ZBTB45: variants seen among roughly 807,000 people sequenced by gnomAD.
ZBTB45 encodes the protein zinc finger and BTB domain-containing protein 45.
Under a neutral mutation model 28.4 loss-of-function variants are expected in ZBTB45, and 22 were observed. The observed-to-expected ratio is 0.77, with a 90% CI of 0.55 to 1.10. The LOEUF (loss-of-function observed/expected upper bound fraction) is 1.10, where lower values mean the gene tolerates loss of function less well. Ranked by LOEUF, ZBTB45 falls within the 50% of genes least tolerant of loss-of-function variation. The pLI is 0.00. For synonymous variants in ZBTB45, 361 were observed against 332.3 expected, an observed-to-expected ratio of 1.09 and a Z score of -0.94; for missense variants, 656 against 750.2, an observed-to-expected ratio of 0.87 and a Z score of 1.47.
At chr19:58,536,238 G>A (rs2053659367) in intron 1 of ZBTB45, among the ~76,000 whole-genome samples, 1 of 152,052 alleles carries the variant, frequency 6.6e-6, no homozygotes, top group Non-Finnish European at 1.5e-5. Flanking sequence ...GGCCGAGATG[G>A]GTGGATCATG....
Position 58,516,888 on chromosome 19 carries a change from G to A in ZBTB45, c.786C>T (p.Leu262=), listed in dbSNP as rs566192695. ...CTCTCCCGGCACCACTGTAGTCAGCGAGGCCAGTGGGTGCAGGGGGCTCCT... is the reference window on the plus strand; with the variant it reads ...CTCTCCCGGCACCACTGTAGTCAGCAAGGCCAGTGGGTGCAGGGGGCTCCT... ...ACEEPPAPTG[L]ADYSGAGRDF... is the part of the protein sequence containing the mutation. The change falls in exon 2 of 3, where the codon CTC becomes CTT. Residue 262 remains leucine (L), a synonymous_variant. Coordinates refer to ENST00000594051, the MANE Select transcript of ZBTB45 (RefSeq NM_001316979.2). This position sits in a 1 kb window ranked among gnomAD's most constrained non-coding sequence, Gnocchi z 6.2. The A allele has an allele frequency of 1.8e-5, 29 of 1,613,380 alleles. No individual in the cohort carries two copies. The South Asian group carries it at 2.3e-4, about 13-fold the overall frequency.
chr19:58,535,288 G>A (rs1271510901), intron 1 of ZBTB45, among the ~76,000 whole-genome samples: 1 of 152,034 alleles, frequency 6.6e-6, no homozygotes, highest in African/African-American at 2.4e-5. Flanking sequence ...TTACAGGCAT[G>A]AGCCACTGCA....
At position 58,513,792 on chromosome 19, in the gene ZBTB45, T is replaced by C; in HGVS notation, c.*262A>G. On this transcript the variant is annotated 3_prime_UTR_variant, in exon 3 of 3. Transcript: ENST00000594051. ...GGTCCAAGCGCCTGAGCGCCCGGTT[T>C]ACGCAGGAAATAGTCCAGTTCTCAG... is the stretch of plus-strand genomic sequence containing the variant. The C allele has an allele frequency of 2.5e-6, 1 of 396,842 alleles. No homozygotes were observed. Among genetic ancestry groups the C allele is most frequent in the Non-Finnish European group, 4.4e-6 (1 of 229,870 alleles). The allele number at this position is 396,842 out of a possible 1,614,324, so 24.6% of individuals were successfully genotyped here.
Position 58,516,414 on chromosome 19 carries a change from C to T in ZBTB45, c.1260G>A (p.Lys420=), listed in dbSNP as rs185682627. Reference sequence around the variant, plus strand: ...GCTCACCCGAGTGGATGAACATGTGCTTGGTGTAGTTTTTCCGGGAGCTGA... The same window carrying T: ...GCTCACCCGAGTGGATGAACATGTGTTTGGTGTAGTTTTTCCGGGAGCTGA... ...KTFSSRKNYT[K]HMFIHSGEKP... The change falls in exon 2 of 3, where the codon AAG becomes AAA. Residue 420 remains lysine, a synonymous_variant. Transcript: ENST00000594051. The surrounding 1 kb of genome is among the most constrained non-coding windows in gnomAD (Gnocchi z 6.2). 334 of 1,614,016 alleles carry T rather than the reference C, an allele frequency of 2.1e-4. No homozygotes were observed. The highest frequency in any genetic ancestry group is 5.0e-4 in the Middle Eastern group (3 of 6,054).
Position 58,517,387 on chromosome 19 carries a change from TGC to T in ZBTB45, c.285_286del (p.Gln96GlyfsTer2). ...CGTGAGCACCTGCAGGGCTTCACCCTGCGCCACAACGAGCGAACCGCTGTACA... is the reference window on the plus strand; with the variant it reads ...CGTGAGCACCTGCAGGGCTTCACCCTGCCACAACGAGCGAACCGCTGTACA... On this transcript the variant is annotated frameshift_variant, in exon 2 of 3. Transcript: ENST00000594051. LOFTEE classifies it high-confidence loss of function. 1 of 1,612,792 alleles carries T rather than the reference TGC, an allele frequency of 6.2e-7. No homozygotes were observed. The highest frequency in any genetic ancestry group is 8.5e-7 in the Non-Finnish European group (1 of 1,179,888).
In ZBTB45 at chr19:58,516,562, C is replaced by A; in HGVS notation, c.1112G>T (p.Ser371Ile). Residue 371 changes from serine to isoleucine, a missense_variant, in exon 2 of 3, where the codon AGT becomes ATT. Coordinates refer to ENST00000594051, the MANE Select transcript of ZBTB45 (RefSeq NM_001316979.2). This position sits in a 1 kb window ranked among gnomAD's most constrained non-coding sequence, Gnocchi z 6.2. Reference sequence around the variant, plus strand: ...AGCCGGGACCTCCCCCAGCTGAGTACTGGGGGCTGCCTCGGGCTGGAGTGT... The same window carrying A: ...AGCCGGGACCTCCCCCAGCTGAGTAATGGGGGCTGCCTCGGGCTGGAGTGT... ...YPTLQPEAAPSTQLGEVPAPS... is the reference protein window; with the variant it reads ...YPTLQPEAAPITQLGEVPAPS... 1 of 1,598,874 alleles carries A rather than the reference C, an allele frequency of 6.3e-7. No homozygotes were observed. The highest frequency in any genetic ancestry group is 8.5e-7 in the Non-Finnish European group (1 of 1,172,468).
chr19:58,517,193 G>A lies in ZBTB45; in HGVS notation c.481C>T (p.Pro161Ser), dbSNP rs896371396. Residue 161 changes from proline to serine, a missense_variant, in exon 2 of 3, where the codon CCC becomes TCC. Transcript: ENST00000594051. Reference protein sequence around the residue: ...HRLRHLLAARPPGHPGAAHSR... With the variant: ...HRLRHLLAARSPGHPGAAHSR... ...TGTGCAGCACCGGGGTGCCCCGGGGGACGTGCAGCCAGCAGGTGGCGCAGG... is the reference window on the plus strand; with the variant it reads ...TGTGCAGCACCGGGGTGCCCCGGGGAACGTGCAGCCAGCAGGTGGCGCAGG... 1 of 1,605,976 alleles carries A rather than the reference G, an allele frequency of 6.2e-7. No individual in the cohort carries two copies. The highest frequency in any genetic ancestry group is 8.5e-7 in the Non-Finnish European group (1 of 1,176,558).
Position 58,516,520 on chromosome 19 carries a change from G to A in ZBTB45, c.1154C>T (p.Thr385Ile), listed in dbSNP as rs1166366491. The A allele has an allele frequency of 2.5e-6, 4 of 1,612,966 alleles. No homozygotes were observed. Among genetic ancestry groups the A allele is most frequent in the East Asian group, 2.2e-5 (1 of 44,880 alleles). Residue 385 changes from threonine (T) to isoleucine (I), a missense_variant, in exon 2 of 3, where the codon ACC becomes ATC. Transcript: ENST00000594051. This position sits in a 1 kb window ranked among gnomAD's most constrained non-coding sequence, Gnocchi z 6.2. Reference sequence around the variant, plus strand: ...AGCAGGGGTGCCTGAGGGGGCCGTGGTGGGAGCAGCAGAGGGAGCCGGGAC... The same window carrying A: ...AGCAGGGGTGCCTGAGGGGGCCGTGATGGGAGCAGCAGAGGGAGCCGGGAC... ...GEVPAPSAAP[T>I]TAPSGTPART... is the part of the protein sequence containing the mutation.
chr19:58,526,772 C>G (rs1382786015), intron 1 of ZBTB45, among the ~76,000 whole-genome samples: 2 of 151,106 alleles, frequency 1.3e-5, no homozygotes, highest in Non-Finnish European at 3.0e-5. Context: ...ACCTCGTGAT[C>G]CGCCCGCCTC....
At chr19:58,518,060 A>T (rs2053538290) in intron 1 of ZBTB45, among the ~76,000 whole-genome samples, 1 of 108,170 alleles carries the variant, frequency 9.2e-6, no homozygotes, top group Non-Finnish European at 1.8e-5. Context: ...TGCCCCTCCA[A>T]GAGGGCAGCC....
At chr19:58,525,911 C>T (rs1459351436) in intron 1 of ZBTB45, among the ~76,000 whole-genome samples, 1 of 152,180 alleles carries the variant, frequency 6.6e-6, no homozygotes, top group Non-Finnish European at 1.5e-5. Flanking sequence ...GTACTGTGCC[C>T]TTGGATTAAT....
chr19:58,530,681 C>CT (rs112607398), intron 1 of ZBTB45, among the ~76,000 whole-genome samples: 103 of 144,360 alleles, frequency 7.1e-4, no homozygotes, highest in Middle Eastern at 3.8e-3. Context: ...TGTTTTCTTT[C>CT]TTTTTTTTTT....
chr19:58,530,753 G>C (rs551723837), intron 1 of ZBTB45, among the ~76,000 whole-genome samples: 1 of 150,654 alleles, frequency 6.6e-6, no homozygotes, highest in South Asian at 2.1e-4. Flanking sequence ...GCGCGATCTT[G>C]GATCACTGCA....
In ZBTB45 at chr19:58,528,881, G is replaced by C. The variant is rs550437514; in HGVS notation, c.-1+9820C>G. Among the ~76,000 whole-genome samples the C allele has an allele frequency of 3.3e-5, 5 of 150,390 alleles. No individual in the cohort carries two copies. In the East Asian group the frequency reaches 5.9e-4, roughly 18 times the overall value. On this transcript the variant is annotated intron_variant, in intron 1 of 1. Transcript: ENST00000600130. Reference sequence around the variant, plus strand: ...TGCACTCCAGCCTGGATGACAGAGCGAGACTCTGTCTCAAAAAATAATAAT... The same window carrying C: ...TGCACTCCAGCCTGGATGACAGAGCCAGACTCTGTCTCAAAAAATAATAAT...
chr19:58,523,333 G>C (rs1485137064), upstream of ZBTB45, among the ~76,000 whole-genome samples: 1 of 152,022 alleles, frequency 6.6e-6, no homozygotes, highest in Non-Finnish European at 1.5e-5. Context: ...ATCACCTGAG[G>C]TCAGGAGTTC....
In ZBTB45 at chr19:58,515,764, C is replaced by T. The variant is rs1035839090; in HGVS notation, c.1279+631G>A. Among the ~76,000 whole-genome samples the T allele has an allele frequency of 4.6e-5, 7 of 152,188 alleles. No individual in the cohort carries two copies. Among genetic ancestry groups the T allele is most frequent in the Admixed American group, 2.6e-4 (4 of 15,280 alleles). The stretch of plus-strand genomic sequence containing the variant: ...GCATCCTCACCACATTCCCCAGTAC[C>T]ACCCTCCCACTCTTTACCTCTCCTG... On this transcript the variant is annotated intron_variant, in intron 2 of 2. Transcript: ENST00000594051. The surrounding 1 kb of genome is among the most constrained non-coding windows in gnomAD (Gnocchi z 4.7).
In ZBTB45 at chr19:58,515,803, C is replaced by T. The variant is rs1170305283; in HGVS notation, c.1279+592G>A. On this transcript the variant is annotated intron_variant, in intron 2 of 2. Coordinates refer to ENST00000594051, the MANE Select transcript of ZBTB45 (RefSeq NM_001316979.2). This position sits in a 1 kb window ranked among gnomAD's most constrained non-coding sequence, Gnocchi z 4.7. Reference sequence around the variant, plus strand: ...TTACCTCTCCTGCAGCACTGCAGAGCCGCCTCCCTGACACGGCCAAGGTCC... The same window carrying T: ...TTACCTCTCCTGCAGCACTGCAGAGTCGCCTCCCTGACACGGCCAAGGTCC... Among the ~76,000 whole-genome samples the T allele has an allele frequency of 6.6e-6, 1 of 152,322 alleles. No individual in the cohort carries two copies. The highest frequency in any genetic ancestry group is 1.9e-4 in the East Asian group (1 of 5,188).
chr19:58,513,655 A>C lies in ZBTB45; in HGVS notation c.*399T>G. ...CCCATGAGGGAGTAACAGCTTGGGT[A>C]GAGAGCTAGGGACCTTGCCCAGCCT... On this transcript the variant is annotated 3_prime_UTR_variant, in exon 3 of 3. Coordinates refer to ENST00000594051, the MANE Select transcript of ZBTB45 (RefSeq NM_001316979.2). 5.3e-6 allele frequency: 1 copy of C among 188,050 alleles called. No individual in the cohort carries two copies. Among genetic ancestry groups the C allele is most frequent in the Non-Finnish European group, 1.1e-5 (1 of 92,086 alleles). 11.6% of individuals were successfully genotyped at this position (188,050 alleles called of 1,614,324 possible). A position where few individuals can be genotyped will look rare whatever the true frequency, so the allele number is the denominator to read the frequency against.
In ZBTB45 at chr19:58,526,563, G is replaced by A. The variant is rs1425884265; in HGVS notation, c.1-8890C>T. Reference sequence around the variant, plus strand: ...TTTTTTTTTTTTGAGATGGAGTCTCGCTCTGTCGCCCAGGCTGGAGTGCAG... The same window carrying A: ...TTTTTTTTTTTTGAGATGGAGTCTCACTCTGTCGCCCAGGCTGGAGTGCAG... On this transcript the variant is annotated intron_variant, in intron 1 of 1. Coordinates refer to the ZBTB45 transcript ENST00000600130. Among the ~76,000 whole-genome samples, 9 of 114,710 alleles carry A rather than the reference G, an allele frequency of 7.8e-5. No homozygotes were observed. The Admixed American group carries it at 8.3e-4, about 11-fold the overall frequency. 75.3% of individuals were successfully genotyped at this position (114,710 alleles called of 152,430 possible).
Sources: gnomAD v4.1 joint callset for allele counts (sites outside exome capture counted in the v4.1 genomes callset) on GRCh38, gnomAD v4.1.1 for gene constraint, Gnocchi (gnomAD v3.1) non-coding constraint, MANE v1.5 for transcripts, NCBI Gene and HGNC (gene_info 2026-07-23, HGNC 2026-07-21) for gene names.